The following SEPTIN2 variants were observed in gnomAD, a reference collection of about 807,000 sequenced individuals.
The protein encoded by SEPTIN2 is septin 2.
SEPTIN2 carries 34 observed loss-of-function variants against 46.5 expected under a neutral mutation model. The ratio of observed to expected loss-of-function variants is 0.73; its 90% confidence interval spans 0.56 to 0.97. The LOEUF is 0.97. Among genes scored for constraint, SEPTIN2 ranks in the 50% least tolerant of loss-of-function variants. SEPTIN2 has a pLI of 0.00. For synonymous variants in SEPTIN2, 175 were observed against 153.4 expected (o/e 1.14, Z -1.04); for missense variants, 347 against 448.4 (o/e 0.77, Z 2.04).
intron 1 of SEPTIN2, among the ~76,000 whole-genome samples, chr2:241,318,058 C>G (rs2076627081): frequency 6.6e-6 from 1 of 151,530 alleles, no homozygotes; most frequent in South Asian, 2.1e-4. Flanking sequence ...CCTCTTTCAC[C>G]TTCCATTTCA....
intron 1 of SEPTIN2, among the ~76,000 whole-genome samples, chr2:241,322,250 G>A (rs2077236933): frequency 6.6e-6 from 1 of 152,052 alleles, no homozygotes; most frequent in African/African-American, 2.4e-5. Flanking sequence ...TGTTACTGAA[G>A]GTTAGCCAAC....
At chr2:241,339,840 A>C (rs961749180) in intron 7 of SEPTIN2, among the ~76,000 whole-genome samples, 1 of 152,044 alleles carries the variant, frequency 6.6e-6, no homozygotes, top group Non-Finnish European at 1.5e-5. Flanking sequence ...CACTCCCCCC[A>C]CACTGCATAA....
rs749673935 is a variant in SEPTIN2 at position 241,337,527 on chromosome 2, G to GT, written c.476+14dup. 1.6e-5 allele frequency: 25 copies of GT among 1,612,774 alleles called. No individual in the cohort carries two copies. Among genetic ancestry groups the GT allele is most frequent in the Admixed American group, 1.0e-4 (6 of 59,894 alleles). On this transcript the variant is annotated intron_variant, in intron 6 of 12. Transcript: ENST00000391971. ...ACCTTTTGGACATGGGTAAGTAATT[G>GT]TTTATCGTGGAGAAATGCTTTACTA...
intron 3 of SEPTIN2, among the ~76,000 whole-genome samples, chr2:241,327,189 A>G (rs1478412405): frequency 6.6e-6 from 1 of 152,152 alleles, no homozygotes; most frequent in African/African-American, 2.4e-5. Context: ...GGCAATAGAA[A>G]CAGATCCAGA....
intron 7 of SEPTIN2, 104 bp downstream of exon 7, chr2:241,337,894 G>A: frequency 1.5e-6 from 1 of 688,676 alleles, no homozygotes; most frequent in Non-Finnish European, 2.4e-6. Flanking sequence ...GTGTCGGGAG[G>A]CAGGGCGGGA....
At chr2:241,331,643 A>G (rs1020761281) in intron 3 of SEPTIN2, among the ~76,000 whole-genome samples, 1 of 152,224 alleles carries the variant, frequency 6.6e-6, no homozygotes, top group Non-Finnish European at 1.5e-5. Flanking sequence ...CACCCTTCTC[A>G]GCCTCCCAAA....
chr2:241,325,831 C>A, intron 2 of SEPTIN2, 162 bp from the exon 3 acceptor site: 1 of 554,730 alleles, frequency 1.8e-6, no homozygotes. Flanking sequence ...TAGTTGAATA[C>A]TACTGGTTTT....
intron 10 of SEPTIN2, 24 bp downstream of exon 10, chr2:241,346,273 CTGTAT>C: frequency 6.3e-7 from 1 of 1,595,738 alleles, no homozygotes; most frequent in East Asian, 2.2e-5. Context: ...GCCCCTTTCT[CTGTAT>C]TGTGTCACCC....
rs534637175 is a variant in SEPTIN2 at position 241,345,365 on chromosome 2, A to G, written c.843-801A>G. 4.6e-5 allele frequency among the ~76,000 whole-genome samples: 7 copies of G among 152,330 alleles called. No individual in the cohort carries two copies. The East Asian group carries it at 1.4e-3, about 29-fold the overall frequency. On this transcript the variant is annotated intron_variant, in intron 9 of 12. Transcript: ENST00000391971. ...GAAGTTAAGCGCACTCAGCCCCTCCAGGGCTGCATCCTTGTGGCTATCCTG... is the reference window on the plus strand; with the variant it reads ...GAAGTTAAGCGCACTCAGCCCCTCCGGGGCTGCATCCTTGTGGCTATCCTG...
At chr2:241,348,547 G>T (rs940092483) in intron 11 of SEPTIN2, among the ~76,000 whole-genome samples, 1 of 152,024 alleles carries the variant, frequency 6.6e-6, no homozygotes, top group Admixed American at 6.6e-5. Context: ...TACTATTCTT[G>T]TGACTGAAGG....
chr2:241,331,192 G>GA (rs1163096585), intron 3 of SEPTIN2, among the ~76,000 whole-genome samples: 8 of 151,872 alleles, frequency 5.3e-5, no homozygotes, highest in Non-Finnish European at 1.2e-4. Context: ...AAAAACAAAA[G>GA]AAAAAAATCA....
intron 9 of SEPTIN2, among the ~76,000 whole-genome samples, chr2:241,345,349 C>T (rs932024889): frequency 1.3e-5 from 2 of 152,186 alleles, no homozygotes; most frequent in African/African-American, 2.4e-5. Context: ...AGAAGTTAAG[C>T]GCACTCAGCC....
chr2:241,338,924 T>C, intron 7 of SEPTIN2, among the ~76,000 whole-genome samples: 1 of 79,166 alleles, frequency 1.3e-5, no homozygotes, highest in African/African-American at 4.5e-5. Context: ...TATATAATTG[T>C]ACATATATTT....
intron 9 of SEPTIN2, 73 bp from the exon 10 acceptor site, chr2:241,346,093 G>A (rs2060207162): frequency 2.9e-6 from 3 of 1,023,200 alleles, no homozygotes; most frequent in Admixed American, 3.7e-5. Context: ...CTATGTACTT[G>A]ATGGGTGGTT....
Position 241,350,055 on chromosome 2 carries a change from G to A in SEPTIN2, c.985-18G>A, listed in dbSNP as rs139686377. On this transcript the variant is annotated intron_variant, in intron 11 of 12. Coordinates refer to ENST00000391971, the MANE Select transcript of SEPTIN2 (RefSeq NM_004404.5). ...ACAGCAAACCTTGAAAACCTATAATGTGTGTGTGTGTTCACAGCTCCGCCG... is the reference window on the plus strand; with the variant it reads ...ACAGCAAACCTTGAAAACCTATAATATGTGTGTGTGTTCACAGCTCCGCCG... The A allele has an allele frequency of 1.0e-4, 161 of 1,536,048 alleles. 1 individual carries two copies. In the African/African-American group the frequency reaches 1.9e-3, roughly 19 times the overall value.
At chr2:241,333,815 A>G (rs1360595235) in intron 3 of SEPTIN2, among the ~76,000 whole-genome samples, 2 of 152,170 alleles carry the variant, frequency 1.3e-5, no homozygotes, top group Non-Finnish European at 2.9e-5. Flanking sequence ...GCGTCTGCAC[A>G]TTGCAAATTC....
intron 3 of SEPTIN2, among the ~76,000 whole-genome samples, chr2:241,333,706 T>C (rs981808707): frequency 6.6e-6 from 1 of 151,972 alleles, no homozygotes; most frequent in African/African-American, 2.4e-5. Context: ...GGTTTCACCA[T>C]GTTAGCCAGG....
intron 2 of SEPTIN2, 112 bp from the exon 3 acceptor site, chr2:241,325,881 T>TA: frequency 9.8e-7 from 1 of 1,018,394 alleles, no homozygotes; most frequent in Non-Finnish European, 1.4e-6. Flanking sequence ...TTATACTTTT[T>TA]AAAAAATTTG....
At chr2:241,342,090 T>C (rs887871002) in intron 7 of SEPTIN2, among the ~76,000 whole-genome samples, 2 of 152,204 alleles carry the variant, frequency 1.3e-5, no homozygotes, top group Admixed American at 6.5e-5. Flanking sequence ...CCCAGGTCGC[T>C]AGCCTGGTGT....
Sources: allele counts gnomAD v4.1 joint callset (sites outside exome capture counted in the v4.1 genomes callset), GRCh38; gene constraint gnomAD v4.1.1; transcripts MANE v1.5; gene names NCBI Gene and HGNC (gene_info 2026-07-23, HGNC 2026-07-21).